SPATA6L: variants seen among roughly 807,000 people sequenced by gnomAD.
SPATA6L encodes spermatogenesis associated 6 like.
Under a neutral mutation model 49.2 loss-of-function variants are expected in SPATA6L, and 68 were observed. That is an observed-to-expected ratio of 1.38 (90% CI 1.14 to 1.69). The LOEUF (loss-of-function observed/expected upper bound fraction) is 1.69, where lower values mean the gene tolerates loss of function less well. SPATA6L is among the 40% of genes most tolerant of loss of function. The pLI, the probability that SPATA6L is intolerant of heterozygous loss-of-function variation, is 0.00. For synonymous variants in SPATA6L, 198 were observed against 165.7 expected (o/e 1.19, Z -1.50); for missense variants, 668 against 464.3 (o/e 1.44, Z -4.03).
chr9:4,628,880 C>T (rs1361640133), intron 5 of SPATA6L: 6 of 480,224 alleles, frequency 1.2e-5, no homozygotes, highest in Non-Finnish European at 2.2e-5. Context: ...CCAGCTACAT[C>T]ATGCTGCCAA....
At chr9:4,652,765 T>C (rs1238855459) in intron 3 of SPATA6L, among the ~76,000 whole-genome samples, 1 of 143,810 alleles carries the variant, frequency 7.0e-6, no homozygotes, top group East Asian at 2.0e-4. Flanking sequence ...CACTTGAACC[T>C]GGGAGGCAGA....
intron 3 of SPATA6L, among the ~76,000 whole-genome samples, chr9:4,637,479 C>T (rs1018549688): frequency 1.3e-5 from 2 of 152,154 alleles, no homozygotes; most frequent in African/African-American, 4.8e-5. Context: ...TCCATGAAAA[C>T]AGTGACTTTG....
intron 6 of SPATA6L, among the ~76,000 whole-genome samples, chr9:4,623,843 T>C (rs77167165): frequency 6.6e-6 from 1 of 152,234 alleles, no homozygotes; most frequent in Non-Finnish European, 1.5e-5. Context: ...TTCAATGAAA[T>C]GAAATAAATG....
intron 6 of SPATA6L, 174 bp downstream of exon 6, chr9:4,625,153 T>A: frequency 1.6e-6 from 2 of 1,237,886 alleles, no homozygotes; most frequent in South Asian, 3.8e-5. Flanking sequence ...TTTCTAGGGG[T>A]TTCCTGACAA....
At chr9:4,615,184 C>A (rs1300072853) in intron 9 of SPATA6L, among the ~76,000 whole-genome samples, 1 of 152,216 alleles carries the variant, frequency 6.6e-6, no homozygotes, top group Non-Finnish European at 1.5e-5. Flanking sequence ...AGAAGTACCA[C>A]CCTTCTTCTT....
intron 1 of SPATA6L, chr9:4,663,395 T>C (rs921186463): frequency 1.1e-6 from 1 of 911,698 alleles, no homozygotes; most frequent in African/African-American, 1.7e-5. Flanking sequence ...AGGTGTCCCA[T>C]GATCTTGATG....
chr9:4,666,075 C>CTT, intron 1 of SPATA6L, 137 bp downstream of exon 1: 2 of 761,568 alleles, frequency 2.6e-6, no homozygotes, highest in South Asian at 1.5e-5. Context: ...GAGAAAAAGA[C>CTT]AAAGGTGCGA....
intron 3 of SPATA6L, among the ~76,000 whole-genome samples, chr9:4,643,743 G>T (rs939035513): frequency 1.3e-5 from 2 of 152,124 alleles, no homozygotes; most frequent in Admixed American, 1.3e-4. Flanking sequence ...AGTGGCTCAC[G>T]TCTGTAACCC....
At chr9:4,613,303 G>A (rs927738885) in intron 9 of SPATA6L, among the ~76,000 whole-genome samples, 1 of 152,000 alleles carries the variant, frequency 6.6e-6, no homozygotes, top group Non-Finnish European at 1.5e-5. Context: ...GGAAATGACA[G>A]GAACATCTGG....
chr9:4,618,980 A>C, intron 7 of SPATA6L, 82 bp from the exon 8 acceptor site: 1 of 1,287,594 alleles, frequency 7.8e-7, no homozygotes, highest in Non-Finnish European at 1.1e-6. Context: ...ATTCTACAGC[A>C]GTACAAAAAT....
intron 9 of SPATA6L, among the ~76,000 whole-genome samples, chr9:4,612,889 T>C (rs1481857348): frequency 1.3e-5 from 2 of 152,104 alleles, no homozygotes; most frequent in Admixed American, 6.6e-5. Context: ...AGCAATTTGA[T>C]AATGAAAGGC....
chr9:4,653,220 C>G (rs1346062777), intron 3 of SPATA6L, among the ~76,000 whole-genome samples: 1 of 152,170 alleles, frequency 6.6e-6, no homozygotes, highest in African/African-American at 2.4e-5. Flanking sequence ...TTACTGTAAG[C>G]TGAATTTCAA....
At chr9:4,601,991 C>T (rs1192801442) in intron 11 of SPATA6L, among the ~76,000 whole-genome samples, 1 of 152,146 alleles carries the variant, frequency 6.6e-6, no homozygotes, top group East Asian at 1.9e-4. Context: ...CCTCCAGGAT[C>T]CCAGCCTCTC....
intron 5 of SPATA6L, 82 bp from the exon 6 acceptor site, chr9:4,625,648 T>C: frequency 9.8e-7 from 1 of 1,017,440 alleles, no homozygotes; most frequent in Non-Finnish European, 1.3e-6. Context: ...TGTATTTAAT[T>C]GAATTTTTAA....
At chr9:4,605,253 T>A (rs1824456979) in intron 10 of SPATA6L, 94 bp downstream of exon 10, 2 of 927,726 alleles carry the variant, frequency 2.2e-6, no homozygotes, top group South Asian at 1.5e-5. Flanking sequence ...TTTCTGTGGT[T>A]ATTTGATTAA....
intron 4 of SPATA6L, among the ~76,000 whole-genome samples, chr9:4,634,990 CA>C (rs1431470013): frequency 6.6e-6 from 1 of 152,128 alleles, no homozygotes; most frequent in African/African-American, 2.4e-5. Context: ...TATAACTAAA[CA>C]AACAAATCTT....
intron 3 of SPATA6L, among the ~76,000 whole-genome samples, chr9:4,654,500 A>T (rs975293921): frequency 6.6e-6 from 1 of 152,160 alleles, no homozygotes; most frequent in Non-Finnish European, 1.5e-5. Context: ...TGTTAGCTCA[A>T]TTAGACCCTC....
At chr9:4,646,677 A>C (rs1835449547) in intron 3 of SPATA6L, 2 of 413,508 alleles carry the variant, frequency 4.8e-6, no homozygotes. Flanking sequence ...ACATCAAATC[A>C]GGTATTTCTA....
chr9:4,656,441 A>AAAGGAAGAAAGGAAGG lies in SPATA6L; in HGVS notation c.178-353_178-352insCCTTCCTTTCTTCCTT, dbSNP rs1294326075. ...GAGAAAGAGTGAGACCCTGTGAAAGAAAGGAAGGAAGGAAGGAAGGAAGGA... is the reference window on the plus strand; with the variant it reads ...GAGAAAGAGTGAGACCCTGTGAAAGAAAGGAAGAAAGGAAGGAAGGAAGGAAGGAAGGAAGGAAGGA... On this transcript the variant is annotated intron_variant, in intron 2 of 11. Transcript: ENST00000682582. 1.5e-3 allele frequency among the ~76,000 whole-genome samples: 166 copies of AAAGGAAGAAAGGAAGG among 113,966 alleles called. 1 individual carries two copies. The highest frequency in any genetic ancestry group is 2.5e-3 in the African/African-American group (67 of 26,836). 74.8% of individuals were successfully genotyped at this position (113,966 alleles called of 152,430 possible).
Sources: allele counts gnomAD v4.1 joint callset (sites outside exome capture counted in the v4.1 genomes callset), GRCh38; gene constraint gnomAD v4.1.1; transcripts MANE v1.5; gene names NCBI Gene and HGNC (gene_info 2026-07-23, HGNC 2026-07-21).